Variants in SLC25A21 observed in about 807,000 individuals in gnomAD.
SLC25A21 encodes solute carrier family 25 member 21.
Under a neutral mutation model 43.8 loss-of-function variants are expected in SLC25A21, and 47 were observed. The ratio of observed to expected loss-of-function variants is 1.07; its 90% CI spans 0.85 to 1.37. The LOEUF (loss-of-function observed/expected upper bound fraction) is 1.37. SLC25A21 is among the 40% of genes most tolerant of loss of function. The pLI, the probability that SLC25A21 is intolerant of heterozygous loss-of-function variation, is 0.00. For missense variants in SLC25A21, 352 were observed against 350.2 expected (o/e 1.00, Z -0.04); for synonymous variants, 131 against 121.3 (o/e 1.08, Z -0.52).
At chr14:36,857,625 C>G (rs400314) in intron 2 of SLC25A21, among the ~76,000 whole-genome samples, 51,361 of 152,118 alleles carry the variant, frequency 0.34, 8,963 homozygotes, top group African/African-American at 0.43. Context: ...TGATGAAAAG[C>G]AGTATCAGAT....
chr14:36,899,432 A>G (rs1891340443), intron 1 of SLC25A21, among the ~76,000 whole-genome samples: 1 of 152,228 alleles, frequency 6.6e-6, no homozygotes, highest in African/African-American at 2.4e-5. Context: ...CAAATTGACA[A>G]AATGGCACCG....
chr14:37,089,849 G>A (rs1962551899), intron 1 of SLC25A21, among the ~76,000 whole-genome samples: 1 of 152,190 alleles, frequency 6.6e-6, no homozygotes, highest in Non-Finnish European at 1.5e-5. Flanking sequence ...CCAAGTTGAT[G>A]TCTTATCTAA....
At chr14:37,151,018 G>GTT (rs1167857781) in intron 1 of SLC25A21, among the ~76,000 whole-genome samples, 1 of 151,718 alleles carries the variant, frequency 6.6e-6, no homozygotes, top group African/African-American at 2.4e-5. Flanking sequence ...ACATTGGTAG[G>GTT]TTCTCTCTCT....
intron 1 of SLC25A21, among the ~76,000 whole-genome samples, chr14:37,032,310 T>A (rs1333438086): frequency 3.3e-5 from 5 of 151,952 alleles, no homozygotes; most frequent in Non-Finnish European, 7.4e-5. Flanking sequence ...CTGAGGCTGG[T>A]GGATCACGAG....
In SLC25A21 at chr14:36,706,346, T is replaced by C. The variant is rs144111367; in HGVS notation, c.603+4972A>G. On this transcript the variant is annotated intron_variant, in intron 7 of 9. Coordinates refer to ENST00000331299, the MANE Select transcript of SLC25A21 (RefSeq NM_030631.4). ...CAGATAGGAAAACATTGTTTTTCAATTTACAGATTCCAAAAACTGAAGCTC... is the reference window on the plus strand; with the variant it reads ...CAGATAGGAAAACATTGTTTTTCAACTTACAGATTCCAAAAACTGAAGCTC... 8.5e-3 allele frequency among the ~76,000 whole-genome samples: 1,298 copies of C among 152,318 alleles called. 17 individuals are homozygous for C. Among genetic ancestry groups the C allele is most frequent in the African/African-American group, 0.03 (1,242 of 41,568 alleles).
At chr14:37,117,896 A>T (rs1963135261) in intron 1 of SLC25A21, among the ~76,000 whole-genome samples, 2 of 152,060 alleles carry the variant, frequency 1.3e-5, no homozygotes, top group South Asian at 4.1e-4. Context: ...TTTGGTAGGA[A>T]GTCCAATCAC....
rs941464316 is a variant in SLC25A21 at position 36,750,497 on chromosome 14, T to C, written c.204-15924A>G. Among the ~76,000 whole-genome samples, 5 of 152,334 alleles carry C rather than the reference T, an allele frequency of 3.3e-5. No individual in the cohort carries two copies. In the South Asian group the frequency reaches 1.0e-3, roughly 32 times the overall value. ...GTATGACTGGTTTAGTCACCTGGTC[T>C]TATTCTCCTGGTTGTATGAGACATT... On this transcript the variant is annotated intron_variant, in intron 3 of 9. Transcript: ENST00000331299.
At chr14:36,695,634 G>C (rs957263938) in intron 7 of SLC25A21, among the ~76,000 whole-genome samples, 2 of 152,092 alleles carry the variant, frequency 1.3e-5, no homozygotes, top group African/African-American at 2.4e-5. Flanking sequence ...CACATTCCTT[G>C]TAAGTTTGAT....
intron 1 of SLC25A21, among the ~76,000 whole-genome samples, chr14:37,166,326 T>G (rs1438235254): frequency 1.3e-5 from 2 of 152,244 alleles, no homozygotes; most frequent in African/African-American, 2.4e-5. Context: ...AAGGTACTAC[T>G]TAATGGAAAG....
chr14:37,039,686 G>A (rs1282184486), intron 1 of SLC25A21, among the ~76,000 whole-genome samples: 1 of 152,186 alleles, frequency 6.6e-6, no homozygotes, highest in Non-Finnish European at 1.5e-5. Context: ...TACTGTGCTA[G>A]ACACTGGAAT....
chr14:36,814,379 A>AATG, intron 2 of SLC25A21, among the ~76,000 whole-genome samples: 1 of 44,826 alleles, frequency 2.2e-5, no homozygotes, highest in African/African-American at 6.3e-5. Context: ...TATTTCTTAT[A>AATG]AGTCTTCCTT....
At chr14:36,950,677 T>C (rs1358731824) in intron 1 of SLC25A21, among the ~76,000 whole-genome samples, 4 of 152,200 alleles carry the variant, frequency 2.6e-5, no homozygotes, top group African/African-American at 9.6e-5. Flanking sequence ...ACATAGCCCC[T>C]GGCTACTGGG....
intron 1 of SLC25A21, among the ~76,000 whole-genome samples, chr14:37,169,026 T>G (rs1964076975): frequency 6.6e-6 from 1 of 152,000 alleles, no homozygotes; most frequent in South Asian, 2.1e-4. Flanking sequence ...ACTTTCCACC[T>G]TACCCCCATG....
chr14:36,862,001 A>C (rs1165974452), intron 2 of SLC25A21, among the ~76,000 whole-genome samples: 1 of 152,208 alleles, frequency 6.6e-6, no homozygotes, highest in Non-Finnish European at 1.5e-5. Flanking sequence ...CAACAAACAT[A>C]TGAAAAAAAG....
At chr14:36,736,646 C>T (rs1885053389) in intron 3 of SLC25A21, among the ~76,000 whole-genome samples, 1 of 151,772 alleles carries the variant, frequency 6.6e-6, no homozygotes, top group Non-Finnish European at 1.5e-5. Flanking sequence ...TAAAGAGAAA[C>T]ACTTAAATAA....
intron 3 of SLC25A21, among the ~76,000 whole-genome samples, chr14:36,805,387 CTG>C (rs1888002750): frequency 1.3e-5 from 2 of 152,238 alleles, no homozygotes; most frequent in South Asian, 2.1e-4. Flanking sequence ...AAAGGTCACT[CTG>C]TGGCAGAACA....
intron 1 of SLC25A21, among the ~76,000 whole-genome samples, chr14:37,148,629 T>C (rs1963708029): frequency 6.6e-6 from 1 of 152,330 alleles, no homozygotes; most frequent in South Asian, 2.1e-4. Context: ...TCAATGAAAT[T>C]GAATTGCTTT....
At chr14:36,920,818 G>A (rs894654013) in intron 1 of SLC25A21, among the ~76,000 whole-genome samples, 1 of 151,984 alleles carries the variant, frequency 6.6e-6, no homozygotes, top group South Asian at 2.1e-4. Context: ...AGAAAAAGAG[G>A]AGCACTAGCA....
chr14:37,044,902 A>G (rs911111461), intron 1 of SLC25A21, among the ~76,000 whole-genome samples: 1 of 152,260 alleles, frequency 6.6e-6, no homozygotes, highest in African/African-American at 2.4e-5. Flanking sequence ...GCTCTAGATC[A>G]ATGTCTCCCC....
Sources: allele counts gnomAD v4.1 joint callset (sites outside exome capture counted in the v4.1 genomes callset), GRCh38; gene constraint gnomAD v4.1.1; transcripts MANE v1.5; gene names NCBI Gene and HGNC (gene_info 2026-07-23, HGNC 2026-07-21).